Variants in RREB1 observed in about 807,000 individuals in gnomAD.
RREB1 encodes ras-responsive element-binding protein 1.
In RREB1, 27 loss-of-function variants were observed where a neutral mutation model predicts 117.8. The observed-to-expected ratio is 0.23, with a 90% CI of 0.17 to 0.32. The LOEUF (loss-of-function observed/expected upper bound fraction) is 0.32, where lower values mean the gene tolerates loss of function less well. RREB1 is among the 10% of genes least tolerant of loss of function. The probability of loss-of-function intolerance (pLI) is 1.00; values close to 1 mark genes in which losing one functional copy is unlikely to be tolerated. For missense variants in RREB1, 2,577 were observed against 2,378.2 expected (o/e 1.08, Z -1.74); for synonymous variants, 1,298 against 1,026.7 (o/e 1.26, Z -5.05).
At chr6:7,162,189 T>G (rs564980828) in intron 1 of RREB1, among the ~76,000 whole-genome samples, 53 of 152,302 alleles carry the variant, frequency 3.5e-4, no homozygotes, top group Non-Finnish European at 6.8e-4. Flanking sequence ...GTTGCCGTTT[T>G]TTTATTTTGC....
rs575216128 is a variant in RREB1, at chr6:7,209,184, A to G, written c.426-1620A>G. Among the ~76,000 whole-genome samples the G allele has an allele frequency of 1.2e-3, 186 of 152,340 alleles. 2 individuals are homozygous for G. The highest frequency in any genetic ancestry group is 4.1e-3 in the African/African-American group (172 of 41,580). On this transcript the variant is annotated intron_variant, in intron 6 of 12. Transcript: ENST00000379938. ...AAAAGATATAGCTTGAAATGGGCTC[A>G]TGAACTGTTTACAGTTGTCAACCTC...
At chr6:7,237,962 C>T (rs1331531653) in intron 10 of RREB1, among the ~76,000 whole-genome samples, 1 of 152,154 alleles carries the variant, frequency 6.6e-6, no homozygotes, top group East Asian at 1.9e-4. Context: ...CAGTCCTAAC[C>T]AACTGTAAAG....
chr6:7,177,465 A>G (rs1441056690), intron 2 of RREB1, among the ~76,000 whole-genome samples: 3 of 151,648 alleles, frequency 2.0e-5, no homozygotes, highest in Non-Finnish European at 2.9e-5. Context: ...GATCATATCT[A>G]TGACTTGGGA....
chr6:7,170,683 C>T (rs927119411), intron 1 of RREB1, among the ~76,000 whole-genome samples: 7 of 152,242 alleles, frequency 4.6e-5, no homozygotes, highest in African/African-American at 1.4e-4. Flanking sequence ...AGATCCATTC[C>T]TCCCTGTCCC....
chr6:7,231,248 C>G lies in RREB1; in HGVS notation c.3149C>G (p.Pro1050Arg), dbSNP rs532327491. 1.9e-6 allele frequency: 3 copies of G among 1,612,612 alleles called. No individual in the cohort carries two copies. Among genetic ancestry groups the G allele is most frequent in the Non-Finnish European group, 2.5e-6 (3 of 1,179,612 alleles). Residue 1050 changes from proline (P) to arginine (R), a missense_variant, in exon 10 of 13, where the codon CCG becomes CGG. Physicochemically the swap from Pro to Arg is moderately radical, Grantham distance 103. Transcript: ENST00000379938. ...ALLRPLRPKPPLLLPKPPVTE... is the reference protein window; with the variant it reads ...ALLRPLRPKPRLLLPKPPVTE... ...CTGCGTCCACTGCGGCCCAAGCCCC[C>G]GCTGCTTTTGCCAAAGCCCCCCGTG...
At chr6:7,192,935 T>C (rs1765485550) in intron 6 of RREB1, among the ~76,000 whole-genome samples, 1 of 152,218 alleles carries the variant, frequency 6.6e-6, no homozygotes, top group South Asian at 2.1e-4. Flanking sequence ...TCCATTTTCG[T>C]ATAAGCATTG....
chr6:7,184,519 A>G (rs981351835), intron 4 of RREB1: 1 of 151,836 alleles, frequency 6.6e-6, no homozygotes, highest in Non-Finnish European at 1.5e-5. Context: ...TCAGCCTCCC[A>G]AAGTGCTGGG....
Position 7,231,098 on chromosome 6 carries a change from C to G in RREB1, c.2999C>G (p.Thr1000Ser). The change falls in exon 10 of 13, where the codon ACC (threonine) becomes AGC (serine). Residue 1000 changes from threonine to serine, a missense_variant. Coordinates refer to ENST00000379938, the MANE Select transcript of RREB1 (RefSeq NM_001003699.4). ...CCCATGGCCCCTGCTCCGGCGGCCACCCCGGAACCCCCAGCACAGCCCCTG... is the reference window on the plus strand; with the variant it reads ...CCCATGGCCCCTGCTCCGGCGGCCAGCCCGGAACCCCCAGCACAGCCCCTG... ...ESPMAPAPAA[T>S]PEPPAQPLQG... 6.2e-7 allele frequency: 1 copy of G among 1,613,024 alleles called. No individual in the cohort carries two copies. The highest frequency in any genetic ancestry group is 8.5e-7 in the Non-Finnish European group (1 of 1,179,956).
chr6:7,117,766 T>C (rs1581404211), intron 1 of RREB1, among the ~76,000 whole-genome samples: 1 of 152,060 alleles, frequency 6.6e-6, no homozygotes, highest in East Asian at 1.9e-4. Flanking sequence ...ACAGGGTCTC[T>C]CTATGTTGCT....
chr6:7,156,222 A>G (rs1581463547), intron 1 of RREB1, among the ~76,000 whole-genome samples: 4 of 152,356 alleles, frequency 2.6e-5, no homozygotes, highest in East Asian at 3.9e-4. Context: ...AATTATTTGC[A>G]TAAGTTGTTT....
At chr6:7,203,084 A>G (rs932141985) in intron 6 of RREB1, among the ~76,000 whole-genome samples, 2 of 152,246 alleles carry the variant, frequency 1.3e-5, no homozygotes, top group African/African-American at 2.4e-5. Context: ...AGGGTAGGGC[A>G]GTTAGGAATC....
Position 7,188,295 on chromosome 6 carries a change from G to A in RREB1, c.261+772G>A, listed in dbSNP as rs140293043. Among the ~76,000 whole-genome samples, 167 of 151,862 alleles carry A rather than the reference G, an allele frequency of 1.1e-3. 2 individuals are homozygous for A. In the East Asian group the frequency reaches 0.027, roughly 24 times the overall value. On this transcript the variant is annotated intron_variant, in intron 5 of 12. Transcript: ENST00000379938. ...TGACGGAGTCTCGTTCTGTCGCCCA[G>A]GCTGGAGTACAGTGGTGCGATCTCA...
chr6:7,190,618 T>C (rs1170232849), intron 6 of RREB1, among the ~76,000 whole-genome samples: 1 of 152,274 alleles, frequency 6.6e-6, no homozygotes, highest in African/African-American at 2.4e-5. Context: ...GCCCCTCATC[T>C]CTTCCTGGGA....
intron 6 of RREB1, among the ~76,000 whole-genome samples, chr6:7,191,428 CATT>C (rs1159652548): frequency 2.0e-5 from 3 of 152,132 alleles, no homozygotes; most frequent in African/African-American, 7.2e-5. Context: ...CTGCTGTTGA[CATT>C]GTTGTACGAC....
chr6:7,177,060 T>TA (rs577181680), intron 2 of RREB1, among the ~76,000 whole-genome samples: 9 of 149,814 alleles, frequency 6.0e-5, no homozygotes, highest in Non-Finnish European at 1.2e-4. Context: ...CTACTAAAAA[T>TA]AAAAAAAAAT....
intron 1 of RREB1, among the ~76,000 whole-genome samples, chr6:7,141,070 T>C (rs1395933567): frequency 6.6e-6 from 1 of 152,170 alleles, no homozygotes; most frequent in Non-Finnish European, 1.5e-5. Context: ...GTCTGTGCCC[T>C]CCTCAGGCTG....
At chr6:7,243,297 T>G (rs1309285233) in intron 11 of RREB1, among the ~76,000 whole-genome samples, 1 of 152,248 alleles carries the variant, frequency 6.6e-6, no homozygotes, top group Admixed American at 6.5e-5. Context: ...CTTTAATTGT[T>G]GAGCTGACTA....
chr6:7,209,612 C>T (rs1453592029), intron 6 of RREB1, among the ~76,000 whole-genome samples: 1 of 137,770 alleles, frequency 7.3e-6, no homozygotes, highest in Non-Finnish European at 1.5e-5. Context: ...CTCAGTCTGT[C>T]TCCCAGGCTA....
chr6:7,134,824 G>A (rs1166576325), intron 1 of RREB1, among the ~76,000 whole-genome samples: 1 of 152,212 alleles, frequency 6.6e-6, no homozygotes, highest in Admixed American at 6.5e-5. Flanking sequence ...ATAACGATTA[G>A]ACTAGTTCTG....
Sources: gnomAD v4.1 joint callset for allele counts (sites outside exome capture counted in the v4.1 genomes callset) on GRCh38, gnomAD v4.1.1 for gene constraint, MANE v1.5 for transcripts, NCBI Gene and HGNC (gene_info 2026-07-23, HGNC 2026-07-21) for gene names.